ADCY9: variants seen among roughly 807,000 people sequenced by gnomAD.
ADCY9 encodes adenylate cyclase 9.
Under a neutral mutation model 101.5 loss-of-function variants are expected in ADCY9, and 50 were observed. The observed-to-expected ratio is 0.49, with a 90% CI of 0.39 to 0.62. The LOEUF (loss-of-function observed/expected upper bound fraction) is 0.62, where lower values mean the gene tolerates loss of function less well. Among genes scored for constraint, ADCY9 ranks in the 20% least tolerant of loss-of-function variants. The pLI, the probability that ADCY9 is intolerant of heterozygous loss-of-function variation, is 0.00. For missense variants in ADCY9, 1,662 were observed against 1,800.4 expected (o/e 0.92, Z 1.39); for synonymous variants, 905 against 769.3 (o/e 1.18, Z -2.92).
chr16:4,042,005 C>G (rs1423376757), intron 2 of ADCY9, among the ~76,000 whole-genome samples: 2 of 141,842 alleles, frequency 1.4e-5, no homozygotes, highest in Admixed American at 1.5e-4. Flanking sequence ...CTCACTGCAA[C>G]CTCTGCCTCC....
intron 2 of ADCY9, among the ~76,000 whole-genome samples, chr16:4,013,322 G>T (rs546893514): frequency 1.8e-4 from 27 of 152,248 alleles, no homozygotes; most frequent in Non-Finnish European, 3.8e-4. Context: ...TTGGGAGGCT[G>T]AGGCAGGAGA....
At chr16:4,021,110 T>G (rs767946891) in intron 2 of ADCY9, among the ~76,000 whole-genome samples, 1 of 152,166 alleles carries the variant, frequency 6.6e-6, no homozygotes, top group Non-Finnish European at 1.5e-5. Flanking sequence ...TTTTACTATG[T>G]GAGTTTAAAA....
chr16:3,976,157 A>C (rs753318103), intron 9 of ADCY9, among the ~76,000 whole-genome samples: 6 of 151,948 alleles, frequency 3.9e-5, no homozygotes, highest in Non-Finnish European at 8.8e-5. Context: ...ATGCCTGGCT[A>C]ATTTTTTGTA....
intron 6 of ADCY9, chr16:3,983,700 A>G: frequency 2.0e-6 from 1 of 501,562 alleles, no homozygotes; most frequent in South Asian, 2.6e-5. Flanking sequence ...AGGCTGACGT[A>G]GGAGGGTCGC....
chr16:4,006,584 T>C (rs548002620), intron 3 of ADCY9, among the ~76,000 whole-genome samples: 59 of 152,296 alleles, frequency 3.9e-4, no homozygotes, highest in African/African-American at 1.3e-3. Context: ...CATACCCCAC[T>C]GTGTTATCTG....
At chr16:4,102,028 A>AGT (rs1448507600) in intron 2 of ADCY9, among the ~76,000 whole-genome samples, 1 of 152,166 alleles carries the variant, frequency 6.6e-6, no homozygotes, top group Non-Finnish European at 1.5e-5. Context: ...CACAGTCCCT[A>AGT]GTGTGTTCTA....
At chr16:4,092,713 C>T (rs2056981005) in intron 2 of ADCY9, among the ~76,000 whole-genome samples, 1 of 152,162 alleles carries the variant, frequency 6.6e-6, no homozygotes, top group African/African-American at 2.4e-5. Flanking sequence ...AACGCCTGTA[C>T]CTAGCAACCT....
In ADCY9 at chr16:3,977,505, G is replaced by T; in HGVS notation, c.2805C>A (p.Leu935=). Residue 935 remains leucine (L), a synonymous_variant, in exon 9 of 11, where the codon CTC becomes CTA. Transcript: ENST00000294016. ...ACCTGTCTGGGCACAGGGAGACGTA[G>T]AGCAGGAGCAGCGGCCCGGCCCCCA... ...TVVGAGPLLL[L]YVSLCPDSSV... The T allele has an allele frequency of 6.3e-7, 1 of 1,575,706 alleles. No individual in the cohort carries two copies. Among genetic ancestry groups the T allele is most frequent in the Non-Finnish European group, 8.6e-7 (1 of 1,160,808 alleles).
At chr16:4,029,536 C>G (rs756207781) in intron 2 of ADCY9, among the ~76,000 whole-genome samples, 1 of 152,130 alleles carries the variant, frequency 6.6e-6, no homozygotes, top group Non-Finnish European at 1.5e-5. Context: ...CACCCGAGGT[C>G]GGGAGTTGAA....
At chr16:3,988,235 G>C (rs2056211016) in intron 6 of ADCY9, among the ~76,000 whole-genome samples, 1 of 152,122 alleles carries the variant, frequency 6.6e-6, no homozygotes, top group Non-Finnish European at 1.5e-5. Flanking sequence ...TTGGGTGATG[G>C]GCTGAGAAGT....
At chr16:4,099,870 G>A (rs1040935323) in intron 2 of ADCY9, among the ~76,000 whole-genome samples, 2 of 152,218 alleles carry the variant, frequency 1.3e-5, no homozygotes, top group African/African-American at 4.8e-5. Context: ...TAGGCAACAT[G>A]GCAAGACCCT....
At position 3,974,558 on chromosome 16, in the gene ADCY9, C is replaced by A; in HGVS notation, c.2870+111G>T. ...TTCCACTTTCTATTCTAAGAATGCA[C>A]GTATTGTTCCTTTTATTCAAGATCC... On this transcript the variant is annotated intron_variant, in intron 10 of 10. Transcript: ENST00000294016. 5 of 821,130 alleles carry A rather than the reference C, an allele frequency of 6.1e-6. No individual in the cohort carries two copies. The East Asian group carries it at 1.3e-4, about 21-fold the overall frequency. 50.9% of individuals were successfully genotyped at this position (821,130 alleles called of 1,614,324 possible). A position where few individuals can be genotyped will look rare whatever the true frequency, so the allele number is the denominator to read the frequency against.
chr16:3,967,097 T>A, intron 10 of ADCY9, 131 bp from the exon 11 acceptor site: 1 of 725,042 alleles, frequency 1.4e-6, no homozygotes, highest in Non-Finnish European at 2.3e-6. Context: ...AGCTGCCCAT[T>A]CCTGGTTTGG....
At chr16:4,056,105 C>A (rs376331908) in intron 2 of ADCY9, among the ~76,000 whole-genome samples, 3 of 152,198 alleles carry the variant, frequency 2.0e-5, no homozygotes, top group Admixed American at 1.3e-4. Context: ...GCGCCCTCCC[C>A]GCAAGGAGGT....
chr16:4,056,363 C>G (rs2056738109), intron 2 of ADCY9, among the ~76,000 whole-genome samples: 1 of 152,196 alleles, frequency 6.6e-6, no homozygotes, highest in African/African-American at 2.4e-5. Context: ...CAGGGATTCT[C>G]CTGCCTCAGC....
intron 6 of ADCY9, among the ~76,000 whole-genome samples, chr16:3,986,853 C>T (rs1253503410): frequency 6.6e-6 from 1 of 152,230 alleles, no homozygotes; most frequent in African/African-American, 2.4e-5. Flanking sequence ...GCCTCAGCTT[C>T]CTGAGTAATT....
chr16:3,959,515 A>T (rs1012920458), downstream of ADCY9, among the ~76,000 whole-genome samples: 2 of 152,174 alleles, frequency 1.3e-5, no homozygotes, highest in Non-Finnish European at 2.9e-5. Context: ...ATTGCAGAAA[A>T]TTTAACAACC....
chr16:3,966,724 T>C lies in ADCY9; in HGVS notation c.3113A>G (p.Tyr1038Cys). 6.2e-6 allele frequency: 10 copies of C among 1,614,052 alleles called. No homozygotes were observed. The highest frequency in any genetic ancestry group is 7.6e-6 in the Non-Finnish European group (9 of 1,179,992). ...ADWLLRNIIPYHVAEQLKVSQ... is the reference protein window; with the variant it reads ...ADWLLRNIIPCHVAEQLKVSQ... ...CACCTTCAGCTGCTCAGCCACGTGG[T>C]AGGGGATGATGTTCCTCAGCAGCCA... The change falls in exon 11 of 11, where the codon TAC becomes TGC. Residue 1038 changes from tyrosine (Y) to cysteine (C), a missense_variant. By Grantham distance (194) the Tyr-to-Cys change is radical. Transcript: ENST00000294016.
intron 2 of ADCY9, among the ~76,000 whole-genome samples, chr16:4,036,102 G>A (rs2056587749): frequency 7.1e-6 from 1 of 140,050 alleles, no homozygotes; most frequent in African/African-American, 2.7e-5. Flanking sequence ...CCAGAGCTGT[G>A]ATCTTCCAGT....
Sources: gnomAD v4.1 joint callset for allele counts (sites outside exome capture counted in the v4.1 genomes callset) on GRCh38, gnomAD v4.1.1 for gene constraint, MANE v1.5 for transcripts, NCBI Gene and HGNC (gene_info 2026-07-23, HGNC 2026-07-21) for gene names.